PRSS53: variants seen among roughly 807,000 people sequenced by gnomAD.
PRSS53 encodes EDTP308.
In PRSS53, 54 loss-of-function variants were observed where a neutral mutation model predicts 62.7. The ratio of observed to expected loss-of-function variants is 0.86; its 90% CI spans 0.69 to 1.08. The LOEUF is 1.08. Among genes scored for constraint, PRSS53 ranks in the 50% least tolerant of loss-of-function variants. The pLI, the probability that PRSS53 is intolerant of heterozygous loss-of-function variation, is 0.00. For synonymous variants in PRSS53, 273 were observed against 300.0 expected, an observed-to-expected ratio of 0.91 and a Z score of 0.93; for missense variants, 688 against 728.3, an observed-to-expected ratio of 0.94 and a Z score of 0.64.
exon 11 of PRSS53, chr16:31,083,633 G>A (rs2057194341): frequency 1.3e-6 from 2 of 1,516,314 alleles, no homozygotes; most frequent in Non-Finnish European, 1.8e-6. Flanking sequence ...GTGGGGAGTG[G>A]GCACCTGTGG....
chr16:31,083,555 A>G, exon 11 of PRSS53: 2 of 1,431,080 alleles, frequency 1.4e-6, no homozygotes, highest in Admixed American at 5.9e-5. Context: ...AGGAGGAGGA[A>G]AGCTGAGACG....
exon 11 of PRSS53, chr16:31,083,494 AAAG>A (rs2143857503): frequency 2.3e-6 from 3 of 1,332,744 alleles, no homozygotes; most frequent in African/African-American, 3.0e-5. Context: ...CCCCCCAAAA[AAAG>A]AAATTTTCAA....
exon 6 of PRSS53, chr16:31,086,161 A>G: frequency 1.2e-6 from 2 of 1,612,000 alleles, no homozygotes; most frequent in Non-Finnish European, 8.5e-7. Context: ...CTCGAGGCAC[A>G]GCACAGGGCC....
chr16:31,087,349 T>G (rs2057245057), intron 3 of PRSS53, 188 bp downstream of exon 3: 5 of 613,482 alleles, frequency 8.2e-6, no homozygotes, highest in Non-Finnish European at 1.4e-5. Context: ...GTTTTCTGAT[T>G]TGTAAATCTT....
intron 1 of PRSS53, chr16:31,088,453 C>T: frequency 7.7e-7 from 1 of 1,296,762 alleles, no homozygotes; most frequent in Non-Finnish European, 9.8e-7. Context: ...CAGAGTTTGC[C>T]TGACGTCATT....
intron 2 of PRSS53, 51 bp downstream of exon 2, chr16:31,087,755 G>T: frequency 1.2e-6 from 2 of 1,614,122 alleles, no homozygotes; most frequent in Non-Finnish European, 1.7e-6. Context: ...CCTCACCCCA[G>T]TCCCAACCCA....
Position 31,084,846 on chromosome 16 carries a change from A to AGGGCAGGCAGAGGGGCCGC in PRSS53, c.1194_1212dup (p.Tyr405AlafsTer9). 1.3e-6 allele frequency: 2 copies of AGGGCAGGCAGAGGGGCCGC among 1,550,970 alleles called. No homozygotes were observed. The highest frequency in any genetic ancestry group is 1.7e-6 in the Non-Finnish European group (2 of 1,146,820). On this transcript the variant is annotated frameshift_variant, in exon 8 of 11. Coordinates refer to ENST00000280606, the Ensembl canonical transcript of PRSS53. LOFTEE classifies it high-confidence loss of function. Reference sequence around the variant, plus strand: ...CCATCAGGCAGGTGGTGGTCAGGATAGGGCAGGCAGAGGGGCCGCAGGCTG... The same window carrying AGGGCAGGCAGAGGGGCCGC: ...CCATCAGGCAGGTGGTGGTCAGGATAGGGCAGGCAGAGGGGCCGCGGGCAGGCAGAGGGGCCGCAGGCTG...
exon 10 of PRSS53, chr16:31,084,317 G>A: frequency 6.2e-7 from 1 of 1,612,592 alleles, no homozygotes; most frequent in Non-Finnish European, 8.5e-7. Flanking sequence ...TCATGCACCA[G>A]TGGTGCCCCA....
At chr16:31,083,523 G>GT (rs2057193095) in exon 11 of PRSS53, 4 of 1,373,274 alleles carry the variant, frequency 2.9e-6, no homozygotes, top group Middle Eastern at 2.8e-4. Context: ...CGTGGCTGGC[G>GT]TGATTGTATC....
chr16:31,088,667 C>T (rs2057259314), intron 1 of PRSS53, 85 bp downstream of exon 1: 3 of 1,599,038 alleles, frequency 1.9e-6, no homozygotes, highest in African/African-American at 2.7e-5. Context: ...GCGGTCCCCC[C>T]ACCAAGAAGC....
exon 3 of PRSS53, chr16:31,087,597 A>G (rs756873052): frequency 6.2e-7 from 1 of 1,611,830 alleles, no homozygotes; most frequent in South Asian, 1.1e-5. Context: ...GCCGCTGCAG[A>G]TGTGGGCTCC....
At chr16:31,088,314 C>CTT in intron 1 of PRSS53, 5 of 1,121,054 alleles carry the variant, frequency 4.5e-6, no homozygotes, top group Non-Finnish European at 5.5e-6. Flanking sequence ...CAGAAACTGT[C>CTT]TGAGAGCCCG....
At chr16:31,084,753 A>G (rs1468476051) in intron 8 of PRSS53, 27 bp downstream of exon 8, 1 of 1,589,824 alleles carries the variant, frequency 6.3e-7, no homozygotes, top group Admixed American at 1.7e-5. Context: ...TTGGATGGAC[A>G]GCAGCCCTGG....
At chr16:31,087,088 C>T (rs1346173321) in intron 3 of PRSS53, 190 bp from the exon 4 acceptor site, 2 of 596,224 alleles carry the variant, frequency 3.4e-6, no homozygotes, top group Non-Finnish European at 5.7e-6. Context: ...GCCTTGACCT[C>T]CCAGGCTCAA....
chr16:31,087,919 T>C, intron 1 of PRSS53, 93 bp from the exon 2 acceptor site: 1 of 1,571,086 alleles, frequency 6.4e-7, no homozygotes, highest in Non-Finnish European at 8.6e-7. Flanking sequence ...GGGCCCAGGG[T>C]CCTTGCCTGT....
At chr16:31,085,294 C>A in intron 6 of PRSS53, 34 bp from the exon 7 acceptor site, 1 of 1,503,618 alleles carries the variant, frequency 6.7e-7, no homozygotes, top group Non-Finnish European at 8.9e-7. Flanking sequence ...TGACTTCTTG[C>A]TAAGCACTTC....
rs1455854616 is a variant in PRSS53, at chr16:31,085,109, C to A, written c.1034+1G>T. 6.2e-7 allele frequency: 1 copy of A among 1,612,944 alleles called. No homozygotes were observed. The highest frequency in any genetic ancestry group is 1.3e-5 in the African/African-American group (1 of 74,930). Reference sequence around the variant, plus strand: ...ACAGCAGAGAGGGATCCAAGACTCACCCAATGAAGCAGTGGGCAGCAGTTA... The same window carrying A: ...ACAGCAGAGAGGGATCCAAGACTCAACCAATGAAGCAGTGGGCAGCAGTTA... On this transcript the variant is annotated splice_donor_variant, in intron 7 of 10. Transcript: ENST00000280606. LOFTEE classifies it high-confidence loss of function.
exon 10 of PRSS53, chr16:31,084,223 G>T (rs145846447): frequency 6.2e-7 from 1 of 1,611,814 alleles, no homozygotes; most frequent in Non-Finnish European, 8.5e-7. Context: ...GGCAGGGAGC[G>T]CGGTGAAGAC....
intron 1 of PRSS53, chr16:31,088,484 A>G: frequency 7.5e-7 from 1 of 1,338,470 alleles, no homozygotes; most frequent in Non-Finnish European, 9.6e-7. Flanking sequence ...AGGGGGAGGC[A>G]GGCACAGGAC....
Sources: allele counts gnomAD v4.1 joint callset, GRCh38; gene constraint gnomAD v4.1.1; transcripts MANE v1.5; gene names NCBI Gene and HGNC (gene_info 2026-07-23, HGNC 2026-07-21).